BRSK2: variants seen among roughly 807,000 people sequenced by gnomAD.
BRSK2 encodes BR serine/threonine kinase 2, also known as serine/threonine-protein kinase BRSK2.
BRSK2 carries 19 observed loss-of-function variants against 83.3 expected under a neutral mutation model. That is an observed-to-expected ratio of 0.23 (90% CI 0.16 to 0.33). The LOEUF (loss-of-function observed/expected upper bound fraction) is 0.33, where lower values mean the gene tolerates loss of function less well. Among genes scored for constraint, BRSK2 ranks in the 10% least tolerant of loss-of-function variants. The pLI is 1.00. For synonymous variants in BRSK2, 519 were observed against 435.4 expected (o/e 1.19, Z -2.39); for missense variants, 798 against 1,042.3 (o/e 0.77, Z 3.23).
intron 4 of BRSK2, among the ~76,000 whole-genome samples, chr11:1,442,142 C>T (rs947615506): frequency 6.6e-6 from 1 of 151,568 alleles, no homozygotes; most frequent in Non-Finnish European, 1.5e-5. Context: ...GGGAGCCCCT[C>T]GGCCTTTCCA....
At position 1,397,314 on chromosome 11, in the gene BRSK2, C is replaced by G. The variant is rs1055438545; in HGVS notation, c.91+6939C>G. Among the ~76,000 whole-genome samples the G allele has an allele frequency of 2.0e-5, 3 of 152,146 alleles. No individual in the cohort carries two copies. The East Asian group carries it at 5.8e-4, about 30-fold the overall frequency. ...TGGGGCAGAGGCTGCAGGGACAAAG[C>G]ACGGATTGTGCCAAGCCGGCTGCCT... On this transcript the variant is annotated intron_variant, in intron 1 of 19. Coordinates refer to ENST00000528841, the MANE Select transcript of BRSK2 (RefSeq NM_001256627.2).
At chr11:1,436,250 G>GGGGGGGGGCC in intron 2 of BRSK2, 116 bp downstream of exon 2, 1 of 168,876 alleles carries the variant, frequency 5.9e-6, no homozygotes. Context: ...GGGGGGGCGG[G>GGGGGGGGGCC]CCCTGCAGGC....
intron 13 of BRSK2, 27 bp downstream of exon 13, chr11:1,449,863 C>T (rs752320717): frequency 6.4e-7 from 1 of 1,564,494 alleles, no homozygotes; most frequent in Non-Finnish European, 8.8e-7. Flanking sequence ...CCCCACCCAG[C>T]TCGGATGCAC....
At chr11:1,396,746 G>T (rs1198014512) in intron 1 of BRSK2, among the ~76,000 whole-genome samples, 1 of 152,246 alleles carries the variant, frequency 6.6e-6, no homozygotes, top group Non-Finnish European at 1.5e-5. Flanking sequence ...TGGGCAGCCG[G>T]CACCAGGAGA....
At chr11:1,445,253 G>T in intron 9 of BRSK2, 41 bp from the exon 10 acceptor site, 1 of 1,572,122 alleles carries the variant, frequency 6.4e-7, no homozygotes, top group Non-Finnish European at 8.6e-7. Flanking sequence ...GCCCAGGCCC[G>T]GCCGGAGCTG....
chr11:1,392,576 C>G (rs1725602790), intron 1 of BRSK2, among the ~76,000 whole-genome samples: 1 of 152,204 alleles, frequency 6.6e-6, no homozygotes, highest in Non-Finnish European at 1.5e-5. Context: ...CCACGAGAGC[C>G]CTTCCACCCG....
intron 10 of BRSK2, 47 bp downstream of exon 10, chr11:1,445,505 A>G: frequency 6.2e-7 from 1 of 1,606,626 alleles, no homozygotes; most frequent in Non-Finnish European, 8.5e-7. Context: ...CTGAGGTGGG[A>G]GCGCTGCCCC....
chr11:1,450,945 G>A lies in BRSK2; in HGVS notation c.1495+151G>A, dbSNP rs145389380. On this transcript the variant is annotated intron_variant, in intron 14 of 19. Coordinates refer to ENST00000528841, the MANE Select transcript of BRSK2 (RefSeq NM_001256627.2). ...GCCCACGTCTCACTGTCCCGAAAGC[G>A]CCCAGCAGCAGCCTGTGTCCTACCT... The A allele has an allele frequency of 1.6e-3, 1,157 of 721,422 alleles. 4 individuals carry two copies. The highest frequency in any genetic ancestry group is 4.4e-3 in the Middle Eastern group (11 of 2,494). 44.7% of individuals were successfully genotyped at this position (721,422 alleles called of 1,614,324 possible).
At chr11:1,437,223 G>A (rs1850435999) in intron 2 of BRSK2, among the ~76,000 whole-genome samples, 1 of 152,162 alleles carries the variant, frequency 6.6e-6, no homozygotes, top group South Asian at 2.1e-4. Flanking sequence ...AAGGGGAGGT[G>A]TCCCTGTCAC....
chr11:1,424,042 C>T (rs1308349165), intron 1 of BRSK2, among the ~76,000 whole-genome samples: 1 of 152,188 alleles, frequency 6.6e-6, no homozygotes, highest in African/African-American at 2.4e-5. Context: ...ACTTAGAAAC[C>T]TCTGCAGAGG....
rs564781271 is a variant in BRSK2 at position 1,397,757 on chromosome 11, A to T, written c.91+7382A>T. ...GCCCTGGGGGTACCATCCTATGAGG[A>T]CAGAGCTGCCTTTCCTGGGTGGCCA... On this transcript the variant is annotated intron_variant, in intron 1 of 19. Transcript: ENST00000528841. Among the ~76,000 whole-genome samples the T allele has an allele frequency of 1.3e-3, 201 of 152,164 alleles. 1 individual carries two copies. Among genetic ancestry groups the T allele is most frequent in the African/African-American group, 4.7e-3 (196 of 41,526 alleles).
At position 1,397,447 on chromosome 11, in the gene BRSK2, C is replaced by T. The variant is rs536396448; in HGVS notation, c.91+7072C>T. On this transcript the variant is annotated intron_variant, in intron 1 of 19. Transcript: ENST00000528841. ...GGCCCCACCCACAGAGCAGTGCTCC[C>T]GAAAGTCCTGCTGTTAAAGAGAAAC... 7.2e-5 allele frequency among the ~76,000 whole-genome samples: 11 copies of T among 152,336 alleles called. No individual in the cohort carries two copies. In the East Asian group the frequency reaches 1.7e-3, roughly 24 times the overall value.
At chr11:1,456,257 G>A (rs556839857) in intron 16 of BRSK2, 91 bp from the exon 17 acceptor site, 28 of 1,319,400 alleles carry the variant, frequency 2.1e-5, no homozygotes, top group East Asian at 7.6e-5. Flanking sequence ...ATGTGTGCAC[G>A]GTGGGGCTGG....
Position 1,402,416 on chromosome 11 carries a change from G to A in BRSK2, c.91+12041G>A, listed in dbSNP as rs569508666. Among the ~76,000 whole-genome samples, 79 of 152,336 alleles carry A rather than the reference G, an allele frequency of 5.2e-4. 1 individual carries two copies. The highest frequency in any genetic ancestry group is 1.8e-3 in the African/African-American group (73 of 41,576). ...GGTCATGGGCAGAGGAGCTACTGCC[G>A]CAAACTCAGCTCCAAGCTGCCTCCA... is the stretch of plus-strand genomic sequence containing the variant. On this transcript the variant is annotated intron_variant, in intron 1 of 19. Transcript: ENST00000528841.
At chr11:1,445,999 T>G (rs1229611071) in intron 12 of BRSK2, 92 bp downstream of exon 12, 30 of 1,465,226 alleles carry the variant, frequency 2.0e-5, no homozygotes, top group African/African-American at 2.8e-5. Flanking sequence ...TGGCCTGGGG[T>G]CTCGGCTGAG....
At chr11:1,451,810 G>A (rs909718280) in intron 15 of BRSK2, among the ~76,000 whole-genome samples, 5 of 152,200 alleles carry the variant, frequency 3.3e-5, no homozygotes, top group African/African-American at 9.6e-5. Flanking sequence ...GGGAACACGT[G>A]TGCAGGGGCG....
intron 12 of BRSK2, among the ~76,000 whole-genome samples, 163 bp downstream of exon 12, chr11:1,446,070 T>TGGCTG (rs769125715): frequency 3.5e-4 from 19 of 54,756 alleles, no homozygotes; most frequent in East Asian, 1.9e-3. Context: ...GGGCTGGGCT[T>TGGCTG]GGCTGGGCTG....
chr11:1,450,527 C>T, intron 13 of BRSK2, 60 bp from the exon 14 acceptor site: 3 of 803,232 alleles, frequency 3.7e-6, no homozygotes, highest in Non-Finnish European at 5.9e-6. Context: ...CCTGCGGGTG[C>T]CCCCCCGGCC....
chr11:1,450,973 C>T (rs1021446640), intron 14 of BRSK2, among the ~76,000 whole-genome samples, 179 bp downstream of exon 14: 4 of 152,326 alleles, frequency 2.6e-5, no homozygotes, highest in African/African-American at 4.8e-5. Context: ...TCCTACCTGT[C>T]GCACAGGCTG....
Sources: gnomAD v4.1 joint callset for allele counts (sites outside exome capture counted in the v4.1 genomes callset) on GRCh38, gnomAD v4.1.1 for gene constraint, MANE v1.5 for transcripts, NCBI Gene and HGNC (gene_info 2026-07-23, HGNC 2026-07-21) for gene names.